The following ABCB5 variants were observed in gnomAD, a reference collection of about 807,000 sequenced individuals.
The protein encoded by ABCB5 is ATP-binding cassette sub-family B member 5.
ABCB5 carries 155 observed loss-of-function variants against 144.2 expected under a neutral mutation model. The ratio of observed to expected loss-of-function variants is 1.08; its 90% CI spans 0.94 to 1.23. ABCB5 has a LOEUF of 1.23. Ranked by LOEUF, ABCB5 falls within the 50% of genes most tolerant of loss-of-function variation. The probability of loss-of-function intolerance (pLI) is 0.00; values close to 1 mark genes in which losing one functional copy is unlikely to be tolerated. For missense variants in ABCB5, 1,830 were observed against 1,520.8 expected, an observed-to-expected ratio of 1.20 and a Z score of -3.38; for synonymous variants, 610 against 528.6, an observed-to-expected ratio of 1.15 and a Z score of -2.11.
chr7:20,700,498 A>G (rs1293430516), intron 19 of ABCB5, among the ~76,000 whole-genome samples: 1 of 152,218 alleles, frequency 6.6e-6, no homozygotes, highest in African/African-American at 2.4e-5. Flanking sequence ...ATCTGAAAAG[A>G]AGTTGTTAAT....
chr7:20,723,262 A>C, intron 21 of ABCB5, 43 bp downstream of exon 21: 1 of 1,582,098 alleles, frequency 6.3e-7, no homozygotes, highest in Non-Finnish European at 8.7e-7. Context: ...TTTAAAGAGA[A>C]AAACAGTCAG....
intron 2 of ABCB5, among the ~76,000 whole-genome samples, chr7:20,624,305 G>C (rs780615084): frequency 9.2e-5 from 14 of 152,200 alleles, no homozygotes; most frequent in Non-Finnish European, 1.8e-4. Context: ...TCTGGCGTCA[G>C]ACTGAAGTTC....
intron 15 of ABCB5, 138 bp downstream of exon 15, chr7:20,681,804 A>G (rs1785839611): frequency 1.0e-6 from 1 of 968,040 alleles, no homozygotes; most frequent in Admixed American, 2.8e-5. Context: ...CAGTAAAGAA[A>G]TGGAGTGTTT....
chr7:20,616,102 G>C (rs1236509314), intron 1 of ABCB5, among the ~76,000 whole-genome samples: 2 of 152,152 alleles, frequency 1.3e-5, no homozygotes, highest in Admixed American at 6.5e-5. Flanking sequence ...GTGGCACGAT[G>C]TTGGCTCACT....
intron 14 of ABCB5, among the ~76,000 whole-genome samples, chr7:20,670,222 T>G (rs1785418527): frequency 6.6e-6 from 1 of 152,130 alleles, no homozygotes; most frequent in Admixed American, 6.5e-5. Context: ...TAGAGAAATC[T>G]GAATAAAATA....
intron 26 of ABCB5, among the ~76,000 whole-genome samples, chr7:20,749,569 C>G (rs1782852349): frequency 6.6e-6 from 1 of 151,918 alleles, no homozygotes; most frequent in Admixed American, 6.6e-5. Context: ...ACTCAACACA[C>G]AGCTACTGAG....
chr7:20,671,047 C>T (rs1287734828), intron 14 of ABCB5, among the ~76,000 whole-genome samples: 2 of 152,166 alleles, frequency 1.3e-5, no homozygotes, highest in African/African-American at 4.8e-5. Flanking sequence ...CATGTTAGTG[C>T]TTAGTATAAC....
intron 20 of ABCB5, among the ~76,000 whole-genome samples, chr7:20,722,576 A>C (rs1781903741): frequency 6.6e-6 from 1 of 152,162 alleles, no homozygotes; most frequent in Non-Finnish European, 1.5e-5. Context: ...TCCTTAGTTT[A>C]GGGCATTTTG....
intron 17 of ABCB5, 70 bp from the exon 18 acceptor site, chr7:20,699,755 G>A (rs1025267435): frequency 6.7e-6 from 7 of 1,044,660 alleles, no homozygotes; most frequent in Non-Finnish European, 9.8e-6. Flanking sequence ...CTGATATACA[G>A]AAATTTTCAC....
chr7:20,749,516 C>G (rs1339145464), intron 26 of ABCB5, among the ~76,000 whole-genome samples: 1 of 150,962 alleles, frequency 6.6e-6, no homozygotes, highest in Non-Finnish European at 1.5e-5. Context: ...TGTGTCCAGC[C>G]CCATGTCTTC....
chr7:20,723,272 G>T, intron 21 of ABCB5, 53 bp downstream of exon 21: 1 of 1,537,474 alleles, frequency 6.5e-7, no homozygotes, highest in Admixed American at 1.7e-5. Context: ...AAAACAGTCA[G>T]AACTTTATGA....
At chr7:20,678,841 A>C (rs907472771) in intron 14 of ABCB5, among the ~76,000 whole-genome samples, 4 of 152,214 alleles carry the variant, frequency 2.6e-5, no homozygotes, top group Non-Finnish European at 4.4e-5. Flanking sequence ...TTGTCACCTG[A>C]TTTATGGTAA....
intron 20 of ABCB5, among the ~76,000 whole-genome samples, chr7:20,717,151 G>T (rs1056530053): frequency 6.6e-6 from 1 of 152,078 alleles, no homozygotes. Context: ...GCATCTCACC[G>T]GTTGTCTAGT....
intron 21 of ABCB5, among the ~76,000 whole-genome samples, chr7:20,725,480 A>C (rs1424850643): frequency 1.3e-5 from 2 of 152,132 alleles, no homozygotes; most frequent in Admixed American, 1.3e-4. Context: ...TCAGGAGGCT[A>C]AGGCAGGAGA....
chr7:20,680,603 G>C (rs951662425), intron 14 of ABCB5, among the ~76,000 whole-genome samples: 11 of 150,494 alleles, frequency 7.3e-5, no homozygotes, highest in African/African-American at 2.4e-4. Flanking sequence ...GACTTGAAAA[G>C]AGCATGAGAT....
chr7:20,750,638 A>T (rs1450542893), intron 26 of ABCB5, among the ~76,000 whole-genome samples: 1 of 152,188 alleles, frequency 6.6e-6, no homozygotes, highest in Non-Finnish European at 1.5e-5. Flanking sequence ...TATAGATAAC[A>T]TATCGTATAT....
chr7:20,653,558 G>A (rs1359588970), intron 13 of ABCB5, among the ~76,000 whole-genome samples: 1 of 152,204 alleles, frequency 6.6e-6, no homozygotes, highest in Non-Finnish European at 1.5e-5. Context: ...TCATTTCCAT[G>A]CATTGGATGA....
intron 16 of ABCB5, among the ~76,000 whole-genome samples, chr7:20,698,121 A>C (rs958571204): frequency 1.3e-5 from 2 of 152,236 alleles, no homozygotes; most frequent in African/African-American, 4.8e-5. Context: ...TGTGACCCTT[A>C]ACAATTACAT....
At chr7:20,653,594 C>A (rs1005073032) in intron 13 of ABCB5, among the ~76,000 whole-genome samples, 2 of 152,164 alleles carry the variant, frequency 1.3e-5, no homozygotes, top group African/African-American at 4.8e-5. Context: ...TGATTCCTAA[C>A]AGAGAGGAAT....
Sources: gnomAD v4.1 joint callset for allele counts (sites outside exome capture counted in the v4.1 genomes callset) on GRCh38, gnomAD v4.1.1 for gene constraint, MANE v1.5 for transcripts, NCBI Gene and HGNC (gene_info 2026-07-23, HGNC 2026-07-21) for gene names.